Variants in ENOX1 observed in about 807,000 individuals in gnomAD.
ENOX1 encodes ecto-NOX disulfide-thiol exchanger 1, also known as candidate growth-related and time keeping constitutive hydroquinone (NADH) oxidase.
ENOX1 carries 42 observed loss-of-function variants against 82.5 expected under a neutral mutation model. That is an observed-to-expected ratio of 0.51 (90% CI 0.40 to 0.66). The LOEUF (loss-of-function observed/expected upper bound fraction) is 0.66, where lower values mean the gene tolerates loss of function less well. Ranked by LOEUF, ENOX1 falls within the 30% of genes least tolerant of loss-of-function variation. The probability of loss-of-function intolerance (pLI) is 0.00; values close to 1 mark genes in which losing one functional copy is unlikely to be tolerated. For synonymous variants in ENOX1, 271 were observed against 282.2 expected (o/e 0.96, Z 0.40); for missense variants, 608 against 811.6 (o/e 0.75, Z 3.05).
intron 12 of ENOX1, among the ~76,000 whole-genome samples, chr13:43,289,162 C>T (rs1412599058): frequency 1.3e-5 from 2 of 152,110 alleles, no homozygotes; most frequent in Admixed American, 1.3e-4. Context: ...TTTACAGATT[C>T]ACCACTATTC....
chr13:43,563,801 T>C (rs979650043), intron 2 of ENOX1, among the ~76,000 whole-genome samples: 1 of 151,556 alleles, frequency 6.6e-6, no homozygotes, highest in African/African-American at 2.4e-5. Flanking sequence ...CATGAAGAAA[T>C]CCAAAACCTC....
At chr13:43,380,308 G>T (rs1052035321) in intron 5 of ENOX1, among the ~76,000 whole-genome samples, 1 of 151,598 alleles carries the variant, frequency 6.6e-6, no homozygotes, top group Non-Finnish European at 1.5e-5. Context: ...AAAAATAATT[G>T]CCTGAAAAGA....
At position 43,470,380 on chromosome 13, in the gene ENOX1, A is replaced by T. The variant is rs74834301; in HGVS notation, c.-75+13629T>A. Reference sequence around the variant, plus strand: ...TATATATATACGTATATATATACATATATATACGTATATATATGTGTATAT... The same window carrying T: ...TATATATATACGTATATATATACATTTATATACGTATATATATGTGTATAT... On this transcript the variant is annotated intron_variant, in intron 3 of 16. Transcript: ENST00000690772. 6.4e-5 allele frequency among the ~76,000 whole-genome samples: 2 copies of T among 31,054 alleles called. 1 individual carries two copies. Among genetic ancestry groups the T allele is most frequent in the African/African-American group, 1.7e-4 (2 of 11,970 alleles). The allele number at this position is 31,054 out of a possible 152,430, so 20.4% of individuals were successfully genotyped here.
At chr13:43,715,775 T>C (rs913333820) in intron 1 of ENOX1, among the ~76,000 whole-genome samples, 3 of 152,218 alleles carry the variant, frequency 2.0e-5, no homozygotes, top group Non-Finnish European at 2.9e-5. Flanking sequence ...CTGAGGCTTC[T>C]GCATTCTTCA....
In ENOX1 at chr13:43,489,961, C is replaced by T. The variant is rs183267048; in HGVS notation, c.-218-5809G>A. Among the ~76,000 whole-genome samples the T allele has an allele frequency of 1.1e-4, 16 of 152,264 alleles. No homozygotes were observed. The East Asian group carries it at 3.1e-3, about 29-fold the overall frequency. ...ATTGTATTTTACTTTATTTTTGAGA[C>T]AGAATGTCGCTCTGTCACGCAGGCT... On this transcript the variant is annotated intron_variant, in intron 2 of 16. Coordinates refer to ENST00000690772, the MANE Select transcript of ENOX1 (RefSeq NM_001347969.2).
At chr13:43,415,269 T>TTTTTTTTTTTTTTTG (rs2054392420) in intron 3 of ENOX1, among the ~76,000 whole-genome samples, 1 of 146,378 alleles carries the variant, frequency 6.8e-6, no homozygotes, top group South Asian at 2.2e-4. Flanking sequence ...TAGTATTTAT[T>TTTTTTTTTTTTTTTG]GATCATTCTT....
rs564410699 is a variant in ENOX1, at chr13:43,434,018, C to G, written c.-74-21030G>C. On this transcript the variant is annotated intron_variant, in intron 3 of 16. Transcript: ENST00000690772. ...TGGCCAAGGAAACCACTAGAATGCA[C>G]TGGAGGGAGCCTCAATCCAGTCAGT... 1.1e-4 allele frequency among the ~76,000 whole-genome samples: 16 copies of G among 152,336 alleles called. No individual in the cohort carries two copies. The South Asian group carries it at 3.3e-3, about 32-fold the overall frequency.
At chr13:43,302,620 G>C (rs1302369290) in intron 11 of ENOX1, among the ~76,000 whole-genome samples, 1 of 152,086 alleles carries the variant, frequency 6.6e-6, no homozygotes, top group East Asian at 1.9e-4. Context: ...AGGTTGAACG[G>C]CACTGCTGAA....
intron 9 of ENOX1, among the ~76,000 whole-genome samples, chr13:43,338,676 G>GTTTTTTT (rs71099830): frequency 1.1e-4 from 9 of 81,274 alleles, no homozygotes; most frequent in Non-Finnish European, 1.4e-4. Context: ...TTCAGGTTGG[G>GTTTTTTT]TTTTTTTTTT....
intron 2 of ENOX1, among the ~76,000 whole-genome samples, chr13:43,602,511 T>G (rs1437017812): frequency 1.3e-5 from 2 of 152,118 alleles, no homozygotes; most frequent in Non-Finnish European, 2.9e-5. Flanking sequence ...CTTATAAAAC[T>G]GGCCAACATT....
At chr13:43,231,504 A>T (rs1411382590) in intron 15 of ENOX1, among the ~76,000 whole-genome samples, 3 of 152,180 alleles carry the variant, frequency 2.0e-5, no homozygotes, top group Non-Finnish European at 2.9e-5. Flanking sequence ...ATGGTTGGTT[A>T]GTTAGTTTTG....
At position 43,235,218 on chromosome 13, in the gene ENOX1, G is replaced by A. The variant is rs1425414711; in HGVS notation, c.1714+1418C>T. Among the ~76,000 whole-genome samples, 7 of 152,102 alleles carry A rather than the reference G, an allele frequency of 4.6e-5. No homozygotes were observed. The East Asian group carries it at 1.2e-3, about 25-fold the overall frequency. On this transcript the variant is annotated intron_variant, in intron 15 of 16. Transcript: ENST00000690772. ...AGCATGTCTTCTGAGACTCATGCAT[G>A]GCATGTTATTACAGCTGTATATCAT...
At position 43,786,245 on chromosome 13, in the gene ENOX1, A is replaced by C. The variant is rs1394142420; in HGVS notation, c.-285+407T>G. On this transcript the variant is annotated intron_variant, in intron 1 of 16. Transcript: ENST00000690772. The surrounding 1 kb of genome is among the most constrained non-coding windows in gnomAD (Gnocchi z 6.0). ...CAGCGGGAACACTGTGTGGGCAGGA[A>C]CGGGTCCCGGGGGCGACGCCCGCAG... Among the ~76,000 whole-genome samples the C allele has an allele frequency of 4.6e-5, 7 of 151,884 alleles. No individual in the cohort carries two copies. The East Asian group carries it at 1.4e-3, about 30-fold the overall frequency.
chr13:43,677,080 C>A (rs940119442), intron 1 of ENOX1, among the ~76,000 whole-genome samples: 29 of 151,734 alleles, frequency 1.9e-4, no homozygotes, highest in African/African-American at 7.0e-4. Context: ...CCTACAGAAC[C>A]CTTTTTACTT....
intron 1 of ENOX1, among the ~76,000 whole-genome samples, chr13:43,725,405 G>A (rs1341735589): frequency 6.6e-6 from 1 of 151,998 alleles, no homozygotes; most frequent in African/African-American, 2.4e-5. Context: ...AGGCCTCAGA[G>A]CTCACCAAGT....
intron 5 of ENOX1, among the ~76,000 whole-genome samples, chr13:43,376,866 T>C (rs1260008091): frequency 6.6e-6 from 1 of 152,120 alleles, no homozygotes; most frequent in Non-Finnish European, 1.5e-5. Flanking sequence ...CCTCTTCCAA[T>C]TGAAATCCGG....
At chr13:43,607,932 T>C (rs757608157) in intron 2 of ENOX1, among the ~76,000 whole-genome samples, 1 of 152,192 alleles carries the variant, frequency 6.6e-6, no homozygotes, top group Non-Finnish European at 1.5e-5. Context: ...AATCCTCTCT[T>C]GAGCTCAGGG....
In ENOX1 at chr13:43,501,684, T is replaced by G. The variant is rs1026931727; in HGVS notation, c.-218-17532A>C. ...CTCACAAAAAGAAATGAAAAGGAAA[T>G]TTAAAAAGTATGTTGAGAAAAATAA... On this transcript the variant is annotated intron_variant, in intron 2 of 16. Coordinates refer to ENST00000690772, the MANE Select transcript of ENOX1 (RefSeq NM_001347969.2). Among the ~76,000 whole-genome samples the G allele has an allele frequency of 2.0e-5, 3 of 150,356 alleles. 1 individual carries two copies. Among genetic ancestry groups the G allele is most frequent in the Non-Finnish European group, 4.5e-5 (3 of 67,334 alleles).
intron 11 of ENOX1, among the ~76,000 whole-genome samples, chr13:43,311,605 G>T (rs1342453424): frequency 6.6e-6 from 1 of 152,122 alleles, no homozygotes; most frequent in Non-Finnish European, 1.5e-5. Context: ...GTGAGGACCT[G>T]TGATCTGACA....
Sources: allele counts gnomAD v4.1 joint callset (sites outside exome capture counted in the v4.1 genomes callset), GRCh38; gene constraint gnomAD v4.1.1; non-coding constraint Gnocchi (gnomAD v3.1); transcripts MANE v1.5; gene names NCBI Gene and HGNC (gene_info 2026-07-23, HGNC 2026-07-21).